The following GRIN3A variants were observed in gnomAD, a reference collection of about 807,000 sequenced individuals.
GRIN3A encodes glutamate ionotropic receptor NMDA type subunit 3A.
GRIN3A carries 47 observed loss-of-function variants against 92.4 expected under a neutral mutation model. The observed-to-expected ratio is 0.51, with a 90% CI of 0.40 to 0.65. The LOEUF (loss-of-function observed/expected upper bound fraction) is 0.65, where lower values mean the gene tolerates loss of function less well. GRIN3A is among the 30% of genes least tolerant of loss of function. The pLI, the probability that GRIN3A is intolerant of heterozygous loss-of-function variation, is 0.00. For synonymous variants in GRIN3A, 527 were observed against 540.6 expected (o/e 0.97, Z 0.35); for missense variants, 1,324 against 1,393.1 (o/e 0.95, Z 0.79).
intron 6 of GRIN3A, 146 bp downstream of exon 6, chr9:101,613,230 G>T: frequency 3.3e-6 from 3 of 909,628 alleles, no homozygotes; most frequent in Non-Finnish European, 5.2e-6. Flanking sequence ...GACGCTTTTT[G>T]GACAAAGTAA....
At chr9:101,628,982 T>C (rs10819956) in intron 3 of GRIN3A, among the ~76,000 whole-genome samples, 29,428 of 150,078 alleles carry the variant, frequency 0.2, 3,186 homozygotes, top group Non-Finnish European at 0.25. Flanking sequence ...TTTTAAGTTG[T>C]TTACCCTAAA....
chr9:101,665,579 A>T (rs1199632597), intron 3 of GRIN3A, among the ~76,000 whole-genome samples: 1 of 151,948 alleles, frequency 6.6e-6, no homozygotes, highest in Non-Finnish European at 1.5e-5. Context: ...GCAGATAGTA[A>T]GTCAGTGGTG....
chr9:101,669,910 C>A, intron 3 of GRIN3A, 150 bp downstream of exon 3: 1 of 625,114 alleles, frequency 1.6e-6, no homozygotes, highest in South Asian at 2.1e-5. Flanking sequence ...TTTAGTTAAA[C>A]CAGGCAACAG....
At position 101,570,444 on chromosome 9, in the gene GRIN3A, A is replaced by G. The variant is rs768548480; in HGVS notation, c.*2730T>C. 3.3e-5 allele frequency: 5 copies of G among 152,774 alleles called. No homozygotes were observed. Among genetic ancestry groups the G allele is most frequent in the Non-Finnish European group, 7.4e-5 (5 of 68,024 alleles). 9.5% of individuals were successfully genotyped at this position (152,774 alleles called of 1,614,324 possible). A position where few individuals can be genotyped will look rare whatever the true frequency, so the allele number is the denominator to read the frequency against. The stretch of plus-strand genomic sequence containing the variant: ...ACAAAACACAATACACTGTTTCACA[A>G]ATTGCAAAACACTGTTCAGTTACTA... On this transcript the variant is annotated 3_prime_UTR_variant, in exon 9 of 9. Transcript: ENST00000361820.
At chr9:101,634,031 G>A (rs962134226) in intron 3 of GRIN3A, among the ~76,000 whole-genome samples, 4 of 151,982 alleles carry the variant, frequency 2.6e-5, no homozygotes, top group African/African-American at 9.7e-5. Context: ...CATCTCCAGT[G>A]ACAAGAAAAT....
intron 5 of GRIN3A, among the ~76,000 whole-genome samples, chr9:101,621,770 G>T (rs1165435288): frequency 1.3e-5 from 2 of 152,164 alleles, no homozygotes; most frequent in East Asian, 3.9e-4. Context: ...GTTGTCCCCT[G>T]AAGATAAAGG....
chr9:101,594,657 C>T (rs267602058), intron 6 of GRIN3A: 1 of 1,614,230 alleles, frequency 6.2e-7, no homozygotes, highest in Non-Finnish European at 8.5e-7. Context: ...AACTTCTGCT[C>T]CTCGTCGCCC....
chr9:101,659,836 C>T (rs776767325), intron 3 of GRIN3A, among the ~76,000 whole-genome samples: 1 of 151,804 alleles, frequency 6.6e-6, no homozygotes, highest in Non-Finnish European at 1.5e-5. Flanking sequence ...GAAAGTAATA[C>T]AACTGCAGTT....
intron 5 of GRIN3A, among the ~76,000 whole-genome samples, chr9:101,622,067 C>T (rs892703103): frequency 1.6e-4 from 24 of 152,198 alleles, no homozygotes; most frequent in African/African-American, 4.8e-5. Flanking sequence ...TGAGTTCCAT[C>T]CCTGCTTCAG....
chr9:101,641,802 AAC>A (rs1054015569), intron 3 of GRIN3A, among the ~76,000 whole-genome samples: 22 of 151,908 alleles, frequency 1.4e-4, no homozygotes, highest in African/African-American at 5.1e-4. Flanking sequence ...TAAAAAAAAA[AAC>A]GAAATGCAAT....
chr9:101,688,445 G>A (rs1829565809), intron 1 of GRIN3A, among the ~76,000 whole-genome samples: 2 of 152,272 alleles, frequency 1.3e-5, no homozygotes, highest in South Asian at 2.1e-4. Flanking sequence ...TTTGTCTTTT[G>A]TCTTTCCAAA....
chr9:101,596,251 C>G (rs1335850149), intron 6 of GRIN3A, among the ~76,000 whole-genome samples: 3 of 152,168 alleles, frequency 2.0e-5, no homozygotes, highest in Admixed American at 1.3e-4. Flanking sequence ...TTACTTTCCT[C>G]TATAAACAAA....
intron 3 of GRIN3A, among the ~76,000 whole-genome samples, chr9:101,664,153 G>T (rs1403265658): frequency 1.3e-5 from 2 of 151,860 alleles, no homozygotes; most frequent in South Asian, 4.1e-4. Flanking sequence ...GACCCAAAGA[G>T]AAACCTCACT....
chr9:101,579,140 A>G (rs557457284), intron 7 of GRIN3A, 56 bp downstream of exon 7: 2 of 1,578,370 alleles, frequency 1.3e-6, no homozygotes, highest in African/African-American at 1.3e-5. Flanking sequence ...GGATCCTCCC[A>G]TCCCTAGGAA....
intron 1 of GRIN3A, among the ~76,000 whole-genome samples, chr9:101,718,343 C>T (rs1829972157): frequency 6.6e-6 from 1 of 151,758 alleles, no homozygotes; most frequent in Admixed American, 6.6e-5. Flanking sequence ...GTACCATGCA[C>T]AGAAGAGCAA....
At chr9:101,719,420 A>AC (rs1196018512) in intron 1 of GRIN3A, among the ~76,000 whole-genome samples, 1 of 48,774 alleles carries the variant, frequency 2.1e-5, no homozygotes, top group Non-Finnish European at 5.3e-5. Context: ...CTCCATCTTA[A>AC]AAAAAAAAAA....
intron 6 of GRIN3A, chr9:101,592,393 C>T (rs1478111002): frequency 6.6e-6 from 1 of 152,148 alleles, no homozygotes. Flanking sequence ...GAATTGTGCT[C>T]CAGGTGTGTT....
chr9:101,610,188 G>A (rs945340277), intron 6 of GRIN3A, among the ~76,000 whole-genome samples: 3 of 152,138 alleles, frequency 2.0e-5, no homozygotes, highest in Admixed American at 6.5e-5. Context: ...GAAAAGACAC[G>A]CAAATCTCTC....
intron 6 of GRIN3A, among the ~76,000 whole-genome samples, chr9:101,589,750 G>T (rs1240221986): frequency 1.3e-5 from 2 of 151,814 alleles, no homozygotes; most frequent in South Asian, 2.1e-4. Context: ...TTTGATTATT[G>T]TACATTTTTC....
Sources: gnomAD v4.1 joint callset for allele counts (sites outside exome capture counted in the v4.1 genomes callset) on GRCh38, gnomAD v4.1.1 for gene constraint, MANE v1.5 for transcripts, NCBI Gene and HGNC (gene_info 2026-07-23, HGNC 2026-07-21) for gene names.